UST: variants seen among roughly 807,000 people sequenced by gnomAD.
The protein encoded by UST is uronyl 2-sulfotransferase.
In UST, 21 loss-of-function variants were observed where a neutral mutation model predicts 45.6. The observed-to-expected ratio is 0.46, with a 90% confidence interval of 0.33 to 0.66. The LOEUF (loss-of-function observed/expected upper bound fraction) is 0.66, where lower values mean the gene tolerates loss of function less well. UST is among the 30% of genes least tolerant of loss of function. UST has a pLI of 0.02. For missense variants in UST, 463 were observed against 512.4 expected, an observed-to-expected ratio of 0.90 and a Z score of 0.93; for synonymous variants, 215 against 200.6, an observed-to-expected ratio of 1.07 and a Z score of -0.61.
chr6:148,760,736 CAAAA>C (rs773945433), intron 1 of UST, among the ~76,000 whole-genome samples: 1 of 149,176 alleles, frequency 6.7e-6, no homozygotes, highest in Non-Finnish European at 1.5e-5. Context: ...CAAAACAAAA[CAAAA>C]AAAAACCACA....
chr6:148,785,427 C>T (rs1776716872), intron 1 of UST, among the ~76,000 whole-genome samples: 1 of 152,102 alleles, frequency 6.6e-6, no homozygotes, highest in East Asian at 1.9e-4. Flanking sequence ...TAATGCCTAC[C>T]TCAAAGGTTG....
intron 7 of UST, chr6:149,066,069 G>A (rs1324100763): frequency 4.6e-5 from 7 of 152,572 alleles, no homozygotes; most frequent in Admixed American, 3.3e-4. Context: ...GCGTAGAGAA[G>A]ATGGAAAGGG....
In UST at chr6:148,941,245, C is replaced by T. The variant is rs114286293; in HGVS notation, c.292-34C>T. 1.2e-4 allele frequency: 198 copies of T among 1,610,494 alleles called. 3 individuals carry two copies. Among genetic ancestry groups the T allele is most frequent in the South Asian group, 1.2e-3 (109 of 90,180 alleles). ...AGAATCCTAAGTATTTCCATACAGACGTTTCATGTTTGTTCTCTTGGTTTT... is the reference window on the plus strand; with the variant it reads ...AGAATCCTAAGTATTTCCATACAGATGTTTCATGTTTGTTCTCTTGGTTTT... On this transcript the variant is annotated intron_variant, in intron 2 of 7. Coordinates refer to ENST00000367463, the MANE Select transcript of UST (RefSeq NM_005715.3).
intron 1 of UST, among the ~76,000 whole-genome samples, chr6:148,813,149 T>C (rs1276575475): frequency 1.3e-5 from 2 of 152,208 alleles, no homozygotes; most frequent in African/African-American, 4.8e-5. Context: ...ATGGTTTTAA[T>C]GTGCACATAA....
At chr6:148,787,185 T>C (rs1007723787) in intron 1 of UST, among the ~76,000 whole-genome samples, 1 of 152,254 alleles carries the variant, frequency 6.6e-6, no homozygotes, top group African/African-American at 2.4e-5. Flanking sequence ...TTTCTTTTGC[T>C]GTGCAGAAGC....
intron 1 of UST, among the ~76,000 whole-genome samples, chr6:148,783,901 G>A (rs955650724): frequency 6.6e-6 from 1 of 152,114 alleles, no homozygotes; most frequent in South Asian, 2.1e-4. Context: ...CATTTTACAG[G>A]TGAAGATGAT....
chr6:149,050,328 A>G (rs1394923461), intron 7 of UST, among the ~76,000 whole-genome samples: 1 of 152,182 alleles, frequency 6.6e-6, no homozygotes, highest in Admixed American at 6.5e-5. Flanking sequence ...TCGGATGGGG[A>G]CTCATCAGCT....
At chr6:148,863,370 A>G (rs2059393414) in intron 1 of UST, among the ~76,000 whole-genome samples, 1 of 152,086 alleles carries the variant, frequency 6.6e-6, no homozygotes, top group Non-Finnish European at 1.5e-5. Context: ...GGTCTTCTCT[A>G]TGCTGTTTAT....
In UST at chr6:148,877,596, G is replaced by A. The variant is rs111529351; in HGVS notation, c.248-9390G>A. On this transcript the variant is annotated intron_variant, in intron 1 of 7. Coordinates refer to ENST00000367463, the MANE Select transcript of UST (RefSeq NM_005715.3). The stretch of plus-strand genomic sequence containing the variant: ...GGGTCGTGTATGAGTGCGAGGGGTC[G>A]TGTATGAGTGGGTCGTGTATGAGTG... Among the ~76,000 whole-genome samples, 14 of 119,436 alleles carry A rather than the reference G, an allele frequency of 1.2e-4. 1 individual carries two copies. The highest frequency in any genetic ancestry group is 1.4e-4 in the African/African-American group (4 of 28,452). The allele number at this position is 119,436 out of a possible 152,430, so 78.4% of individuals were successfully genotyped here. A position where few individuals can be genotyped will look rare whatever the true frequency, so the allele number is the denominator to read the frequency against.
At chr6:148,945,306 C>T (rs906349652) in intron 3 of UST, among the ~76,000 whole-genome samples, 1 of 152,216 alleles carries the variant, frequency 6.6e-6, no homozygotes, top group Non-Finnish European at 1.5e-5. Context: ...CTATCAGTGG[C>T]TCTTGGCCTT....
chr6:148,954,489 A>G (rs1381994914), intron 4 of UST, among the ~76,000 whole-genome samples: 2 of 152,156 alleles, frequency 1.3e-5, no homozygotes, highest in Admixed American at 1.3e-4. Flanking sequence ...TATCTTTTCT[A>G]TGTTTAGATA....
At chr6:148,828,624 C>T (rs889089642) in intron 1 of UST, among the ~76,000 whole-genome samples, 14 of 152,142 alleles carry the variant, frequency 9.2e-5, no homozygotes, top group African/African-American at 3.4e-4. Context: ...TTTCACTTTT[C>T]TCACCTGTAA....
chr6:148,804,601 A>AG (rs1019278322), intron 1 of UST, among the ~76,000 whole-genome samples: 2 of 152,140 alleles, frequency 1.3e-5, no homozygotes, highest in African/African-American at 4.8e-5. Context: ...AGTGTGTTTC[A>AG]GGGGGGAGAA....
In UST at chr6:148,881,308, G is replaced by A. The variant is rs183386836; in HGVS notation, c.248-5678G>A. On this transcript the variant is annotated intron_variant, in intron 1 of 7. Coordinates refer to ENST00000367463, the MANE Select transcript of UST (RefSeq NM_005715.3). ...GACAAACTCAGAAAGTTTGGCTGAT[G>A]ATAGGAATGGGAATGTGTGAAGTTT... 5.7e-3 allele frequency among the ~76,000 whole-genome samples: 874 copies of A among 152,244 alleles called. 8 individuals carry two copies. Among genetic ancestry groups the A allele is most frequent in the Non-Finnish European group, 8.7e-3 (593 of 68,012 alleles).
chr6:149,059,355 A>G (rs1418770321), intron 7 of UST, among the ~76,000 whole-genome samples: 4 of 152,234 alleles, frequency 2.6e-5, no homozygotes, highest in Admixed American at 1.3e-4. Flanking sequence ...TTTGTTGCAC[A>G]TTAAGTTTGT....
rs1442312124 is a variant in UST, at chr6:148,748,326, C to T, written c.247+649C>T. On this transcript the variant is annotated intron_variant, in intron 1 of 7. Transcript: ENST00000367463. The surrounding 1 kb of genome is among the most constrained non-coding windows in gnomAD (Gnocchi z 5.3). ...GGGGATGCCCGAGGGCGCTGGTCAG[C>T]CTGGCCAGCAGTGTCGCCCCCAGTA... Among the ~76,000 whole-genome samples, 2 of 151,968 alleles carry T rather than the reference C, an allele frequency of 1.3e-5. No individual in the cohort carries two copies. The highest frequency in any genetic ancestry group is 6.5e-5 in the Admixed American group (1 of 15,274).
At chr6:148,755,655 CT>C (rs1028707435) in intron 1 of UST, among the ~76,000 whole-genome samples, 117 of 133,760 alleles carry the variant, frequency 8.7e-4, no homozygotes, top group African/African-American at 2.6e-3. Flanking sequence ...TTTTTTTTTT[CT>C]TTTTTTTTTT....
chr6:149,057,460 T>C (rs760719030), intron 7 of UST, among the ~76,000 whole-genome samples: 1 of 152,222 alleles, frequency 6.6e-6, no homozygotes, highest in African/African-American at 2.4e-5. Flanking sequence ...ATAAGTGGTA[T>C]CTTAGAGTTG....
At chr6:148,749,695 A>G (rs1223927299) in intron 1 of UST, among the ~76,000 whole-genome samples, 1 of 152,158 alleles carries the variant, frequency 6.6e-6, no homozygotes, top group Non-Finnish European at 1.5e-5. Context: ...TTGCATTAAC[A>G]TTTTCACTTT....
Sources: gnomAD v4.1 joint callset for allele counts (sites outside exome capture counted in the v4.1 genomes callset) on GRCh38, gnomAD v4.1.1 for gene constraint, Gnocchi (gnomAD v3.1) non-coding constraint, MANE v1.5 for transcripts, NCBI Gene and HGNC (gene_info 2026-07-23, HGNC 2026-07-21) for gene names.